Variants in LGR6 observed in about 807,000 individuals in gnomAD.
LGR6 encodes leucine rich repeat containing G protein-coupled receptor 6.
LGR6 carries 45 observed loss-of-function variants against 69.4 expected under a neutral mutation model. The ratio of observed to expected loss-of-function variants is 0.65; its 90% CI spans 0.51 to 0.83. The LOEUF (loss-of-function observed/expected upper bound fraction) is 0.83, where lower values mean the gene tolerates loss of function less well. Ranked by LOEUF, LGR6 falls within the 40% of genes least tolerant of loss-of-function variation. The pLI is 0.00. For missense variants in LGR6, 1,108 were observed against 1,246.7 expected, an observed-to-expected ratio of 0.89 and a Z score of 1.68; for synonymous variants, 538 against 555.0, an observed-to-expected ratio of 0.97 and a Z score of 0.43.
chr1:202,274,253 T>C (rs1240954080), intron 4 of LGR6, among the ~76,000 whole-genome samples: 1 of 152,220 alleles, frequency 6.6e-6, no homozygotes, highest in Non-Finnish European at 1.5e-5. Context: ...TTCACTCATT[T>C]ATTTATTGCC....
At chr1:202,221,731 C>A (rs1299490488) in intron 1 of LGR6, among the ~76,000 whole-genome samples, 1 of 152,228 alleles carries the variant, frequency 6.6e-6, no homozygotes, top group African/African-American at 2.4e-5. Flanking sequence ...GCCCAGCTAT[C>A]CCATCCCATG....
intron 3 of LGR6, among the ~76,000 whole-genome samples, chr1:202,231,597 T>G (rs1326195511): frequency 7.4e-6 from 1 of 134,534 alleles, no homozygotes; most frequent in Non-Finnish European, 1.7e-5. Flanking sequence ...CTCCGTTTTC[T>G]CACCTTTTAA....
intron 3 of LGR6, among the ~76,000 whole-genome samples, chr1:202,234,485 G>A (rs1025279892): frequency 3.3e-5 from 5 of 152,170 alleles, no homozygotes; most frequent in African/African-American, 9.7e-5. Flanking sequence ...TAGGAGGCAT[G>A]GAAAACAACT....
At chr1:202,261,906 C>G (rs1664266784) in intron 4 of LGR6, among the ~76,000 whole-genome samples, 1 of 152,090 alleles carries the variant, frequency 6.6e-6, no homozygotes, top group African/African-American at 2.4e-5. Flanking sequence ...CTGTTCATAT[C>G]CTTTGCCTAC....
intron 4 of LGR6, among the ~76,000 whole-genome samples, chr1:202,267,477 G>A (rs1296316257): frequency 1.3e-5 from 2 of 152,134 alleles, no homozygotes; most frequent in South Asian, 2.1e-4. Flanking sequence ...AAATGGGACA[G>A]GCCTTTCAGG....
chr1:202,279,671 T>C (rs1200397185), intron 5 of LGR6, among the ~76,000 whole-genome samples: 1 of 152,232 alleles, frequency 6.6e-6, no homozygotes, highest in East Asian at 1.9e-4. Flanking sequence ...GATTCTCTGC[T>C]CCAGAAACAT....
rs186866987 is a variant in LGR6, at chr1:202,265,391, T to C, written c.429-10915T>C. 2.6e-4 allele frequency among the ~76,000 whole-genome samples: 39 copies of C among 152,336 alleles called. No homozygotes were observed. The East Asian group carries it at 7.3e-3, about 29-fold the overall frequency. ...ATGGGTTCCAGATGGGGAGAGGCAC[T>C]GCTGGGATGCAAGGGATGAGCCCCA... On this transcript the variant is annotated intron_variant, in intron 4 of 17. Transcript: ENST00000367278.
chr1:202,204,650 C>T (rs1276425468), intron 1 of LGR6, among the ~76,000 whole-genome samples: 1 of 90,286 alleles, frequency 1.1e-5, no homozygotes. Context: ...CAAACACACA[C>T]ACACCTCCAA....
At chr1:202,303,056 C>T (rs577103762) in intron 9 of LGR6, among the ~76,000 whole-genome samples, 6 of 152,198 alleles carry the variant, frequency 3.9e-5, no homozygotes, top group East Asian at 3.9e-4. Context: ...TCTGTCTGGG[C>T]GAGGGTGTGC....
At chr1:202,315,753 G>A (rs1364570659) in intron 17 of LGR6, among the ~76,000 whole-genome samples, 4 of 152,172 alleles carry the variant, frequency 2.6e-5, no homozygotes, top group African/African-American at 7.2e-5. Context: ...TGCCCAGCCC[G>A]AGTTTTCAGT....
intron 1 of LGR6, among the ~76,000 whole-genome samples, chr1:202,209,971 A>G (rs193273042): frequency 6.6e-6 from 1 of 152,338 alleles, no homozygotes; most frequent in East Asian, 1.9e-4. Flanking sequence ...CCAGGTCTAT[A>G]AGAAACAGCC....
intron 1 of LGR6, among the ~76,000 whole-genome samples, chr1:202,204,626 AAC>A (rs1267009729): frequency 1.0e-4 from 1 of 9,964 alleles, no homozygotes. Context: ...ACCTCCTTCA[AAC>A]ACACACACCT....
At chr1:202,299,334 C>T (rs954835265) in intron 7 of LGR6, among the ~76,000 whole-genome samples, 1 of 149,550 alleles carries the variant, frequency 6.7e-6, no homozygotes, top group Non-Finnish European at 1.5e-5. Flanking sequence ...CAAGGTCTAA[C>T]TTTTTTCCTT....
chr1:202,234,411 A>AT (rs1346961989), intron 3 of LGR6, among the ~76,000 whole-genome samples: 3 of 152,146 alleles, frequency 2.0e-5, no homozygotes, highest in East Asian at 1.9e-4. Context: ...CATATTTGAG[A>AT]TTTTCACATA....
chr1:202,205,091 C>T (rs1659090029), intron 1 of LGR6, among the ~76,000 whole-genome samples: 1 of 90,334 alleles, frequency 1.1e-5, no homozygotes, highest in Non-Finnish European at 2.2e-5. Context: ...TCCACACACA[C>T]ACACGTACCT....
At chr1:202,266,287 C>A (rs950148001) in intron 4 of LGR6, among the ~76,000 whole-genome samples, 7 of 152,044 alleles carry the variant, frequency 4.6e-5, no homozygotes, top group African/African-American at 1.7e-4. Flanking sequence ...GGACATAGCA[C>A]AGAAGAATTT....
intron 14 of LGR6, among the ~76,000 whole-genome samples, chr1:202,308,824 T>G (rs192581347): frequency 6.6e-6 from 1 of 152,210 alleles, no homozygotes; most frequent in Non-Finnish European, 1.5e-5. Context: ...CGTTATGTAT[T>G]GAATGAATGA....
chr1:202,288,154 C>T (rs112347709), intron 6 of LGR6, among the ~76,000 whole-genome samples: 2,150 of 152,284 alleles, frequency 0.014, 61 homozygotes, highest in African/African-American at 0.049. Context: ...AAGCCTTTTC[C>T]TTTTGTCTGG....
At chr1:202,258,100 C>CT (rs1472516834) in intron 4 of LGR6, among the ~76,000 whole-genome samples, 3 of 151,674 alleles carry the variant, frequency 2.0e-5, no homozygotes, top group Non-Finnish European at 2.9e-5. Flanking sequence ...TTCTTAATTT[C>CT]TTTTTTTGGA....
Sources: allele counts gnomAD v4.1 joint callset (sites outside exome capture counted in the v4.1 genomes callset), GRCh38; gene constraint gnomAD v4.1.1; transcripts MANE v1.5; gene names NCBI Gene and HGNC (gene_info 2026-07-23, HGNC 2026-07-21).